The following SLC7A6OS variants were observed in gnomAD, a reference collection of about 807,000 sequenced individuals.
The protein encoded by SLC7A6OS is solute carrier family 7 member 6 opposite strand.
A neutral mutation model predicts 34.3 loss-of-function variants in SLC7A6OS; 22 were observed. The ratio of observed to expected loss-of-function variants is 0.64; its 90% CI spans 0.46 to 0.92. The LOEUF is 0.92. Ranked by LOEUF, SLC7A6OS falls within the 40% of genes least tolerant of loss-of-function variation. The pLI, the probability that SLC7A6OS is intolerant of heterozygous loss-of-function variation, is 0.00. For synonymous variants in SLC7A6OS, 199 were observed against 165.0 expected (o/e 1.21, Z -1.58); for missense variants, 434 against 407.7 (o/e 1.06, Z -0.56).
In SLC7A6OS at chr16:68,299,433, T is replaced by C. The variant is rs2043230343; in HGVS notation, c.*1842A>G. 6.6e-6 allele frequency: 1 copy of C among 152,632 alleles called. No homozygotes were observed. The highest frequency in any genetic ancestry group is 1.5e-5 in the Non-Finnish European group (1 of 68,054). The allele number at this position is 152,632 out of a possible 1,614,324, so 9.5% of individuals were successfully genotyped here. A position where few individuals can be genotyped will look rare whatever the true frequency, so the allele number is the denominator to read the frequency against. On this transcript the variant is annotated 3_prime_UTR_variant, in exon 5 of 5. Transcript: ENST00000263997. Reference sequence around the variant, plus strand: ...GTGACAGCATTTTTCCCCTCTGTGCTGGATACAGACTTCTCCCAGGATCCT... The same window carrying C: ...GTGACAGCATTTTTCCCCTCTGTGCCGGATACAGACTTCTCCCAGGATCCT...
chr16:68,307,982 A>T (rs1597023800), intron 2 of SLC7A6OS, among the ~76,000 whole-genome samples: 1 of 152,026 alleles, frequency 6.6e-6, no homozygotes, highest in South Asian at 2.1e-4. Flanking sequence ...GCTCACTGCA[A>T]CCTCTGCCTC....
intron 4 of SLC7A6OS, chr16:68,301,950 G>T (rs2043283665): frequency 6.0e-6 from 1 of 167,022 alleles, no homozygotes; most frequent in Non-Finnish European, 1.3e-5. Flanking sequence ...TTTTTGAGAA[G>T]TTAGATAACT....
intron 2 of SLC7A6OS, among the ~76,000 whole-genome samples, chr16:68,305,058 A>G (rs1281811209): frequency 6.6e-6 from 1 of 152,140 alleles, no homozygotes; most frequent in Non-Finnish European, 1.5e-5. Context: ...AGACTGGCCT[A>G]AGGAGAGGGG....
chr16:68,302,687 A>G (rs1158619874), intron 3 of SLC7A6OS, among the ~76,000 whole-genome samples, 186 bp from the exon 4 acceptor site: 2 of 152,224 alleles, frequency 1.3e-5, no homozygotes, highest in African/African-American at 4.8e-5. Flanking sequence ...CCTTCCACTC[A>G]GAGCCCAGCT....
At position 68,306,425 on chromosome 16, in the gene SLC7A6OS, G is replaced by A. The variant is rs1285193991; in HGVS notation, c.472-2193C>T. The stretch of plus-strand genomic sequence containing the variant: ...GTAGAGACCGGGTTTCACTATGTTG[G>A]TCAGGCTGGTCTCAAACTCCTGACC... On this transcript the variant is annotated intron_variant, in intron 2 of 4. Coordinates refer to ENST00000263997, the MANE Select transcript of SLC7A6OS (RefSeq NM_032178.3). 7.2e-5 allele frequency among the ~76,000 whole-genome samples: 11 copies of A among 152,126 alleles called. No homozygotes were observed. The East Asian group carries it at 1.9e-3, about 27-fold the overall frequency.
At position 68,300,875 on chromosome 16, in the gene SLC7A6OS, A is replaced by C; in HGVS notation, c.*400T>G. Reference sequence around the variant, plus strand: ...ATCAAAAGGAACAGGGTTTTCCTAGAGGCAGGCAGCCTGGTGGTATGGCAC... The same window carrying C: ...ATCAAAAGGAACAGGGTTTTCCTAGCGGCAGGCAGCCTGGTGGTATGGCAC... On this transcript the variant is annotated 3_prime_UTR_variant, in exon 5 of 5. Coordinates refer to ENST00000263997, the MANE Select transcript of SLC7A6OS (RefSeq NM_032178.3). 2 of 989,962 alleles carry C rather than the reference A, an allele frequency of 2.0e-6. No homozygotes were observed. The highest frequency in any genetic ancestry group is 2.4e-6 in the Non-Finnish European group (2 of 833,062). The allele number at this position is 989,962 out of a possible 1,614,324, so 61.3% of individuals were successfully genotyped here.
chr16:68,303,460 T>G (rs2043302246), intron 3 of SLC7A6OS, among the ~76,000 whole-genome samples: 1 of 149,926 alleles, frequency 6.7e-6, no homozygotes. Context: ...ATGCCTGTAC[T>G]CCTGGCTGGC....
rs895348729 is a variant in SLC7A6OS, at chr16:68,298,746, G to A, written c.*2529C>T. ...TGCTCAGGCTGGGCTCTCCACCCAA[G>A]TTAGGCCTGCTCTGGCCTAATGGAT... is the stretch of plus-strand genomic sequence containing the variant. On this transcript the variant is annotated 3_prime_UTR_variant, in exon 5 of 5. Transcript: ENST00000263997. The A allele has an allele frequency of 1.3e-5, 2 of 152,290 alleles. No individual in the cohort carries two copies. The highest frequency in any genetic ancestry group is 2.9e-5 in the Non-Finnish European group (2 of 68,094). 9.4% of individuals were successfully genotyped at this position (152,290 alleles called of 1,614,324 possible). A position where few individuals can be genotyped will look rare whatever the true frequency, so the allele number is the denominator to read the frequency against.
chr16:68,305,327 A>G lies in SLC7A6OS; in HGVS notation c.472-1095T>C, dbSNP rs200512954. Among the ~76,000 whole-genome samples, 4 of 152,272 alleles carry G rather than the reference A, an allele frequency of 2.6e-5. No individual in the cohort carries two copies. The East Asian group carries it at 7.7e-4, about 29-fold the overall frequency. On this transcript the variant is annotated intron_variant, in intron 2 of 4. Coordinates refer to ENST00000263997, the MANE Select transcript of SLC7A6OS (RefSeq NM_032178.3). ...TATTGACATCCTACTTTTAACCACA[A>G]ATTGGGAATGGGCTCACCTATAGTC...
At chr16:68,302,709 G>A (rs1455399687) in intron 3 of SLC7A6OS, among the ~76,000 whole-genome samples, 3 of 152,212 alleles carry the variant, frequency 2.0e-5, no homozygotes, top group African/African-American at 7.2e-5. Flanking sequence ...CACAATGATA[G>A]GACATGCTGG....
In SLC7A6OS at chr16:68,300,550, T is replaced by C. The variant is rs2043252197; in HGVS notation, c.*725A>G. On this transcript the variant is annotated 3_prime_UTR_variant, in exon 5 of 5. Transcript: ENST00000263997. ...GGTATTTATAATCAATGCTGAACCTTCTATTTCACTACCGCTCCCTGTTTT... is the reference window on the plus strand; with the variant it reads ...GGTATTTATAATCAATGCTGAACCTCCTATTTCACTACCGCTCCCTGTTTT... 1.1e-6 allele frequency: 1 copy of C among 913,102 alleles called. No homozygotes were observed. The allele number at this position is 913,102 out of a possible 1,614,324, so 56.6% of individuals were successfully genotyped here.
chr16:68,303,912 G>T, intron 3 of SLC7A6OS, 114 bp downstream of exon 3: 1 of 938,882 alleles, frequency 1.1e-6, no homozygotes, highest in Non-Finnish European at 1.6e-6. Flanking sequence ...CTTTTCAGGA[G>T]GAAAAGAACT....
At chr16:68,301,510 C>A in intron 4 of SLC7A6OS, 105 bp from the exon 5 acceptor site, 1 of 879,660 alleles carries the variant, frequency 1.1e-6, no homozygotes. Context: ...GATTGTAATG[C>A]AAAATCCTTG....
In SLC7A6OS at chr16:68,310,621, G is replaced by A. The variant is rs764202076; in HGVS notation, c.193-8C>T. ...AGGCTGGACTGGTTCCTCCTAGGGG[G>A]CAACAGGGGACGGAGGCCAGCGTAA... On this transcript the variant is annotated splice_polypyrimidine_tract_variant and splice_region_variant and intron_variant, in intron 1 of 4. Coordinates refer to ENST00000263997, the MANE Select transcript of SLC7A6OS (RefSeq NM_032178.3). 2.7e-5 allele frequency: 43 copies of A among 1,592,070 alleles called. No individual in the cohort carries two copies. The South Asian group carries it at 4.6e-4, about 17-fold the overall frequency.
At chr16:68,310,117 G>A (rs908903634) in intron 2 of SLC7A6OS, among the ~76,000 whole-genome samples, 1 of 152,092 alleles carries the variant, frequency 6.6e-6, no homozygotes, top group Admixed American at 6.5e-5. Context: ...CTGCATGTTA[G>A]GTCCTCACTG....
At chr16:68,306,042 G>A (rs1222141964) in intron 2 of SLC7A6OS, among the ~76,000 whole-genome samples, 2 of 152,098 alleles carry the variant, frequency 1.3e-5, no homozygotes, top group Non-Finnish European at 2.9e-5. Context: ...GCAACAGAGC[G>A]AGACGCTGTC....
chr16:68,301,505 T>A, intron 4 of SLC7A6OS, 100 bp from the exon 5 acceptor site: 1 of 935,240 alleles, frequency 1.1e-6, no homozygotes, highest in Non-Finnish European at 1.6e-6. Context: ...TTCCCGATTG[T>A]AATGCAAAAT....
intron 2 of SLC7A6OS, among the ~76,000 whole-genome samples, chr16:68,308,867 C>A (rs1032623512): frequency 4.0e-5 from 6 of 151,452 alleles, no homozygotes; most frequent in Non-Finnish European, 8.8e-5. Context: ...GACTGGCCAA[C>A]ATAGCGAAAC....
chr16:68,309,461 G>A (rs977682951), intron 2 of SLC7A6OS, among the ~76,000 whole-genome samples: 2 of 151,908 alleles, frequency 1.3e-5, no homozygotes, highest in African/African-American at 4.8e-5. Context: ...GACCTCCCCA[G>A]GCTCAAGTGA....
Sources: gnomAD v4.1 joint callset for allele counts (sites outside exome capture counted in the v4.1 genomes callset) on GRCh38, gnomAD v4.1.1 for gene constraint, MANE v1.5 for transcripts, NCBI Gene and HGNC (gene_info 2026-07-23, HGNC 2026-07-21) for gene names.